Variants in BAIAP2L2 observed in about 807,000 individuals in gnomAD.
The protein encoded by BAIAP2L2 is BAR/IMD domain containing adaptor protein 2 like 2.
A neutral mutation model predicts 60.4 loss-of-function variants in BAIAP2L2; 65 were observed. The observed-to-expected ratio is 1.08, with a 90% CI of 0.88 to 1.32. The LOEUF (loss-of-function observed/expected upper bound fraction) is 1.32. Ranked by LOEUF, BAIAP2L2 falls within the 40% of genes most tolerant of loss-of-function variation. BAIAP2L2 has a pLI of 0.00. For synonymous variants in BAIAP2L2, 344 were observed against 301.7 expected (o/e 1.14, Z -1.45); for missense variants, 836 against 741.2 (o/e 1.13, Z -1.48).
intron 4 of BAIAP2L2, among the ~76,000 whole-genome samples, chr22:38,103,455 A>T (rs780710610): frequency 6.6e-6 from 1 of 152,228 alleles, no homozygotes; most frequent in Non-Finnish European, 1.5e-5. Flanking sequence ...AACAAAAAGT[A>T]AAAACAGGGC....
At chr22:38,097,953 T>TG in intron 6 of BAIAP2L2, 110 bp downstream of exon 6, 1 of 1,029,848 alleles carries the variant, frequency 9.7e-7, no homozygotes, top group Non-Finnish European at 1.5e-6. Flanking sequence ...GTTGGGCTGG[T>TG]GCTCGGTGGG....
chr22:38,091,539 TA>T (rs2086299885), intron 7 of BAIAP2L2: 2 of 152,008 alleles, frequency 1.3e-5, no homozygotes, highest in Admixed American at 1.3e-4. Flanking sequence ...AAAATTAAAA[TA>T]AATGGTGGGT....
rs1159908628 is a variant in BAIAP2L2, at chr22:38,085,138, T to C, written c.*162A>G. On this transcript the variant is annotated 3_prime_UTR_variant, in exon 14 of 14. Transcript: ENST00000381669. ...AAGGTCTCGGACCCCAAGCCAGTGCTTTGGAGCTGCTCAGGCTGCCGGGGT... is the reference window on the plus strand; with the variant it reads ...AAGGTCTCGGACCCCAAGCCAGTGCCTTGGAGCTGCTCAGGCTGCCGGGGT... The C allele has an allele frequency of 5.9e-6, 4 of 674,652 alleles. No individual in the cohort carries two copies. Among genetic ancestry groups the C allele is most frequent in the East Asian group, 2.8e-5 (1 of 35,296 alleles). The allele number at this position is 674,652 out of a possible 1,614,324, so 41.8% of individuals were successfully genotyped here.
chr22:38,104,028 T>C (rs1159405915), intron 4 of BAIAP2L2, among the ~76,000 whole-genome samples: 1 of 152,160 alleles, frequency 6.6e-6, no homozygotes, highest in African/African-American at 2.4e-5. Flanking sequence ...AAACATAAAG[T>C]TAATTGGTGG....
intron 12 of BAIAP2L2, 143 bp downstream of exon 12, chr22:38,086,099 C>T: frequency 1.0e-6 from 1 of 954,520 alleles, no homozygotes. Context: ...CCCCACACCA[C>T]CCCTCCCTGC....
intron 7 of BAIAP2L2, among the ~76,000 whole-genome samples, chr22:38,096,350 G>C (rs1193216616): frequency 1.3e-5 from 2 of 152,008 alleles, no homozygotes; most frequent in African/African-American, 2.4e-5. Flanking sequence ...AGAGCATAGA[G>C]GATTTAAATA....
rs1448442360 is a variant in BAIAP2L2 at position 38,097,194 on chromosome 22, A to C, written c.466-16T>G. On this transcript the variant is annotated splice_polypyrimidine_tract_variant and intron_variant, in intron 6 of 13. Transcript: ENST00000381669. ...TCACACTCTCCTGGGGGGGAACGGG[A>C]GTTCTGGCTGGGGGCGGTGGGTGTG... 2 of 1,608,872 alleles carry C rather than the reference A, an allele frequency of 1.2e-6. No homozygotes were observed. Among genetic ancestry groups the C allele is most frequent in the Non-Finnish European group, 1.7e-6 (2 of 1,176,470 alleles).
intron 2 of BAIAP2L2, 121 bp downstream of exon 2, chr22:38,109,012 G>T: frequency 1.2e-6 from 1 of 852,812 alleles, no homozygotes; most frequent in Non-Finnish European, 1.9e-6. Context: ...AGGGTGGTGG[G>T]TAGGAGGGTG....
intron 4 of BAIAP2L2, among the ~76,000 whole-genome samples, chr22:38,100,592 ACT>A (rs1277528719): frequency 6.6e-6 from 1 of 151,488 alleles, no homozygotes; most frequent in African/African-American, 2.4e-5. Context: ...GCACCTCCCC[ACT>A]CTCTCTCTTG....
At chr22:38,085,822 A>T (rs1261389290) in intron 12 of BAIAP2L2, 90 bp from the exon 13 acceptor site, 9 of 1,282,020 alleles carry the variant, frequency 7.0e-6, no homozygotes, top group Non-Finnish European at 7.6e-6. Flanking sequence ...GCCCAAGGGC[A>T]GAGGACTGGG....
intron 1 of BAIAP2L2, among the ~76,000 whole-genome samples, chr22:38,109,740 G>A (rs564084529): frequency 1.3e-5 from 2 of 152,166 alleles, no homozygotes; most frequent in Non-Finnish European, 2.9e-5. Flanking sequence ...AGAGCTCCCC[G>A]GATGGTGAAG....
Position 38,110,129 on chromosome 22 carries a change from GA to G in BAIAP2L2, c.51+345del, listed in dbSNP as rs1569234425. Reference sequence around the variant, plus strand: ...AGAGGGAGAGAGAGAGGGAGAGAGAGAGAGAGAGAGAGAGAGAGAGGGAGAG... The same window carrying G: ...AGAGGGAGAGAGAGAGGGAGAGAGAGGAGAGAGAGAGAGAGAGAGGGAGAG... On this transcript the variant is annotated intron_variant, in intron 1 of 13. Transcript: ENST00000381669. Among the ~76,000 whole-genome samples the G allele has an allele frequency of 3.8e-3, 280 of 74,574 alleles. 9 individuals carry two copies. The highest frequency in any genetic ancestry group is 0.031 in the African/African-American group (268 of 8,608). The allele number at this position is 74,574 out of a possible 152,430, so 48.9% of individuals were successfully genotyped here.
At chr22:38,088,713 A>AGG in intron 10 of BAIAP2L2, 35 bp downstream of exon 10, 4 of 912,488 alleles carry the variant, frequency 4.4e-6, no homozygotes, top group Non-Finnish European at 6.7e-6. Context: ...CCTTCTTCTC[A>AGG]ACCCACCCCC....
At chr22:38,108,479 C>G in intron 2 of BAIAP2L2, 138 bp from the exon 3 acceptor site, 1 of 654,984 alleles carries the variant, frequency 1.5e-6, no homozygotes, top group Non-Finnish European at 2.6e-6. Context: ...AGGGTGTGAC[C>G]AGTTGAGCTG....
rs2086190124 is a variant in BAIAP2L2, at chr22:38,088,975, GA to G, written c.902-12del. ...CGCTGTAGAGCGAGGCTGTGGGCGG[GA>G]GAGCGCGGCGGCACGTGGGCAGGAA... On this transcript the variant is annotated splice_polypyrimidine_tract_variant and intron_variant, in intron 9 of 13. Transcript: ENST00000381669. 3 of 1,499,518 alleles carry G rather than the reference GA, an allele frequency of 2.0e-6. No homozygotes were observed. The highest frequency in any genetic ancestry group is 2.1e-5 in the Admixed American group (1 of 46,930). The allele number at this position is 1,499,518 out of a possible 1,614,324, so 92.9% of individuals were successfully genotyped here.
intron 4 of BAIAP2L2, 135 bp downstream of exon 4, chr22:38,107,717 C>CA: frequency 2.5e-6 from 2 of 797,420 alleles, no homozygotes; most frequent in African/African-American, 1.7e-5. Flanking sequence ...AACCGTGCCC[C>CA]ACAGAGCCGG....
In BAIAP2L2 at chr22:38,084,968, G is replaced by T; in HGVS notation, c.*332C>A. The T allele has an allele frequency of 3.4e-6, 1 of 296,872 alleles. No individual in the cohort carries two copies. The highest frequency in any genetic ancestry group is 3.9e-5 in the South Asian group (1 of 25,812). The allele number at this position is 296,872 out of a possible 1,614,324, so 18.4% of individuals were successfully genotyped here. ...ACAGAGAGGGCATGTGTTGGGCACG[G>T]AGCAGGTACAAGGGGCTCCTCCCCA... On this transcript the variant is annotated 3_prime_UTR_variant, in exon 14 of 14. Transcript: ENST00000381669.
chr22:38,110,120 GGAGAGAGA>G lies in BAIAP2L2; in HGVS notation c.51+347_51+354del, dbSNP rs1202491630. Among the ~76,000 whole-genome samples, 9 of 18,830 alleles carry G rather than the reference GGAGAGAGA, an allele frequency of 4.8e-4. 2 individuals carry two copies. Among genetic ancestry groups the G allele is most frequent in the Non-Finnish European group, 1.1e-3 (5 of 4,670 alleles). The allele number at this position is 18,830 out of a possible 152,430, so 12.4% of individuals were successfully genotyped here. A position where few individuals can be genotyped will look rare whatever the true frequency, so the allele number is the denominator to read the frequency against. ...GAGACAGAGAGAGGGAGAGAGAGAG[GGAGAGAGA>G]GAGAGAGAGAGAGAGAGAGAGGGAG... On this transcript the variant is annotated intron_variant, in intron 1 of 13. Coordinates refer to ENST00000381669, the MANE Select transcript of BAIAP2L2 (RefSeq NM_025045.6).
At chr22:38,092,293 G>C (rs1046735216) in intron 7 of BAIAP2L2, among the ~76,000 whole-genome samples, 35 of 152,102 alleles carry the variant, frequency 2.3e-4, no homozygotes, top group African/African-American at 7.5e-4. Flanking sequence ...TTTTTTGAGA[G>C]AGAGAGCGAG....
Sources: gnomAD v4.1 joint callset for allele counts (sites outside exome capture counted in the v4.1 genomes callset) on GRCh38, gnomAD v4.1.1 for gene constraint, MANE v1.5 for transcripts, NCBI Gene and HGNC (gene_info 2026-07-23, HGNC 2026-07-21) for gene names.